Variants in FREM2 observed in about 807,000 individuals in gnomAD.
The protein encoded by FREM2 is FRAS1 related extracellular matrix 2.
FREM2 carries 119 observed loss-of-function variants against 219.9 expected under a neutral mutation model. That is an observed-to-expected ratio of 0.54 (90% CI 0.47 to 0.63). The LOEUF is 0.63. FREM2 is among the 30% of genes least tolerant of loss of function. The probability of loss-of-function intolerance (pLI) is 0.00; values close to 1 mark genes in which losing one functional copy is unlikely to be tolerated. For synonymous variants in FREM2, 1,562 were observed against 1,522.8 expected (o/e 1.03, Z -0.60); for missense variants, 4,030 against 3,993.6 (o/e 1.01, Z -0.25).
intron 6 of FREM2, among the ~76,000 whole-genome samples, chr13:38,787,720 T>G (rs1437440012): frequency 6.7e-6 from 1 of 150,076 alleles, no homozygotes; most frequent in Non-Finnish European, 1.5e-5. Context: ...TGTTATTTAT[T>G]AAGTTTATTA....
At chr13:38,861,705 C>A (rs1877769759) in intron 15 of FREM2, 143 bp downstream of exon 15, 1 of 891,468 alleles carries the variant, frequency 1.1e-6, no homozygotes, top group Non-Finnish European at 1.8e-6. Flanking sequence ...CTTCTTTCAA[C>A]TGTTTTAGCT....
intron 2 of FREM2, among the ~76,000 whole-genome samples, chr13:38,735,804 A>G (rs1871967640): frequency 6.6e-6 from 1 of 152,166 alleles, no homozygotes; most frequent in Non-Finnish European, 1.5e-5. Flanking sequence ...AAGATTAGAT[A>G]ATAATAATGA....
At chr13:38,857,694 G>A (rs1319393151) in intron 12 of FREM2, among the ~76,000 whole-genome samples, 181 bp from the exon 13 acceptor site, 1 of 152,178 alleles carries the variant, frequency 6.6e-6, no homozygotes, top group East Asian at 1.9e-4. Flanking sequence ...TGTGAACAAG[G>A]TGCCAAGGTC....
At chr13:38,739,444 A>C (rs1192189437) in intron 2 of FREM2, among the ~76,000 whole-genome samples, 1 of 152,176 alleles carries the variant, frequency 6.6e-6, no homozygotes, top group African/African-American at 2.4e-5. Context: ...ATATAGCAAC[A>C]GTTCAGCATA....
At chr13:38,755,860 G>A (rs1044040855) in intron 2 of FREM2, among the ~76,000 whole-genome samples, 5 of 152,132 alleles carry the variant, frequency 3.3e-5, no homozygotes, top group East Asian at 1.9e-4. Flanking sequence ...TCACTTTCCC[G>A]TAGGCTAACA....
chr13:38,712,632 ACT>A, intron 2 of FREM2, among the ~76,000 whole-genome samples: 1 of 128,750 alleles, frequency 7.8e-6, no homozygotes. Flanking sequence ...TCTGTCTCTT[ACT>A]CTCTCTTTCT....
chr13:38,713,268 A>G (rs1348084074), intron 2 of FREM2, among the ~76,000 whole-genome samples: 1 of 152,190 alleles, frequency 6.6e-6, no homozygotes, highest in Non-Finnish European at 1.5e-5. Flanking sequence ...CAGCTTTGCC[A>G]CTTATTAACA....
chr13:38,702,111 C>T (rs1320376525), intron 2 of FREM2, among the ~76,000 whole-genome samples: 1 of 151,996 alleles, frequency 6.6e-6, no homozygotes, highest in East Asian at 1.9e-4. Context: ...GTTGTTCTAT[C>T]CTAGCATTAA....
intron 16 of FREM2, among the ~76,000 whole-genome samples, chr13:38,868,983 G>A (rs1055619920): frequency 6.6e-6 from 1 of 152,222 alleles, no homozygotes; most frequent in Admixed American, 6.5e-5. Flanking sequence ...ACCCAGGTCT[G>A]TTTGTCCTCA....
At position 38,834,972 on chromosome 13, in the gene FREM2, T is replaced by G. The variant is rs370953654; in HGVS notation, c.6020-11601T>G. Among the ~76,000 whole-genome samples, 13 of 152,364 alleles carry G rather than the reference T, an allele frequency of 8.5e-5. No individual in the cohort carries two copies. In the South Asian group the frequency reaches 1.7e-3, roughly 19 times the overall value. ...GTTTAATTAGATCTCATTTGTCAACTTTGGCTTTTGTTGCTATTGCTTTTG... is the reference window on the plus strand; with the variant it reads ...GTTTAATTAGATCTCATTTGTCAACGTTGGCTTTTGTTGCTATTGCTTTTG... On this transcript the variant is annotated intron_variant, in intron 6 of 23. Coordinates refer to ENST00000280481, the MANE Select transcript of FREM2 (RefSeq NM_207361.6).
chr13:38,861,316 T>C, intron 14 of FREM2, 115 bp from the exon 15 acceptor site: 1 of 1,030,410 alleles, frequency 9.7e-7, no homozygotes, highest in Non-Finnish European at 1.5e-6. Context: ...CATGCCCTAC[T>C]CCACAGAGAA....
At position 38,691,982 on chromosome 13, in the gene FREM2, T is replaced by G. The variant is rs1351435192; in HGVS notation, c.4638T>G (p.Ser1546Arg). The change falls in exon 1 of 24, where the codon AGT becomes AGG. Residue 1546 changes from serine (S) to arginine (R), a missense_variant. Transcript: ENST00000280481. ...TCCACAAGCTGGTTGTCAGTGAAAG[T>G]GAAAACAAGCTGATTACTCCTTTTG... ...VTIHKLVVSE[S>R]ENKLITPFEL... 1.2e-6 allele frequency: 2 copies of G among 1,614,180 alleles called. No homozygotes were observed. Among genetic ancestry groups the G allele is most frequent in the East Asian group, 2.2e-5 (1 of 44,880 alleles).
At chr13:38,791,614 A>T (rs1375133384) in intron 6 of FREM2, among the ~76,000 whole-genome samples, 1 of 151,958 alleles carries the variant, frequency 6.6e-6, no homozygotes, top group African/African-American at 2.4e-5. Flanking sequence ...CAAAGGGGAA[A>T]CCCCTTATAA....
At chr13:38,835,355 G>A (rs531916697) in intron 6 of FREM2, among the ~76,000 whole-genome samples, 1 of 152,192 alleles carries the variant, frequency 6.6e-6, no homozygotes, top group Non-Finnish European at 1.5e-5. Context: ...CCATAGGCTT[G>A]TAGTATAATT....
In FREM2 at chr13:38,883,770, A is replaced by T. The variant is rs1193157313; in HGVS notation, c.*2983A>T. On this transcript the variant is annotated 3_prime_UTR_variant, in exon 24 of 24. Transcript: ENST00000280481. Reference sequence around the variant, plus strand: ...CTCCTGAACCAAAAACACAACAGTCATTATCTGTGAACCATAATTTAAAAA... The same window carrying T: ...CTCCTGAACCAAAAACACAACAGTCTTTATCTGTGAACCATAATTTAAAAA... 6.6e-6 allele frequency: 1 copy of T among 152,200 alleles called. No homozygotes were observed. 9.4% of individuals were successfully genotyped at this position (152,200 alleles called of 1,614,324 possible).
intron 6 of FREM2, among the ~76,000 whole-genome samples, chr13:38,822,955 A>G (rs1256485155): frequency 6.6e-6 from 1 of 152,132 alleles, no homozygotes; most frequent in Non-Finnish European, 1.5e-5. Flanking sequence ...CTTTTTAAAC[A>G]GTGCAAGAAA....
At chr13:38,701,421 A>C (rs1870338092) in intron 2 of FREM2, among the ~76,000 whole-genome samples, 1 of 152,118 alleles carries the variant, frequency 6.6e-6, no homozygotes, top group Admixed American at 6.5e-5. Context: ...GGTAACTTAT[A>C]ATAATACAGA....
intron 2 of FREM2, among the ~76,000 whole-genome samples, chr13:38,737,675 A>G (rs1460388357): frequency 1.3e-5 from 2 of 152,182 alleles, no homozygotes; most frequent in East Asian, 3.9e-4. Context: ...GTTGAATGGA[A>G]CCCTGAGAGA....
rs563764245 is a variant in FREM2 at position 38,777,611 on chromosome 13, G to A, written c.5642-5459G>A. 5.7e-4 allele frequency among the ~76,000 whole-genome samples: 87 copies of A among 152,290 alleles called. 1 individual carries two copies. The highest frequency in any genetic ancestry group is 1.9e-3 in the African/African-American group (79 of 41,554). ...TTTAGAATAGAGCTTAGCAAATAAT[G>A]AGAACTCCATGCCTACTAGCTAAGA... On this transcript the variant is annotated intron_variant, in intron 4 of 23. Coordinates refer to ENST00000280481, the MANE Select transcript of FREM2 (RefSeq NM_207361.6).
Sources: allele counts gnomAD v4.1 joint callset (sites outside exome capture counted in the v4.1 genomes callset), GRCh38; gene constraint gnomAD v4.1.1; transcripts MANE v1.5; gene names NCBI Gene and HGNC (gene_info 2026-07-23, HGNC 2026-07-21).